The following RTN3 variants were observed in gnomAD, a reference collection of about 807,000 sequenced individuals.
RTN3 encodes the protein reticulon-3.
Under a neutral mutation model 77.8 loss-of-function variants are expected in RTN3, and 49 were observed. The ratio of observed to expected loss-of-function variants is 0.63; its 90% CI spans 0.50 to 0.80. RTN3 has a LOEUF of 0.80. RTN3 is among the 30% of genes least tolerant of loss of function. The pLI is 0.00. For synonymous variants in RTN3, 464 were observed against 446.9 expected, an observed-to-expected ratio of 1.04 and a Z score of -0.48; for missense variants, 1,236 against 1,211.9, an observed-to-expected ratio of 1.02 and a Z score of -0.29.
intron 3 of RTN3, among the ~76,000 whole-genome samples, chr11:63,724,978 TA>T (rs1221234178): frequency 3.3e-4 from 50 of 151,828 alleles, no homozygotes; most frequent in African/African-American, 1.1e-3. Context: ...TTTTTTTTTT[TA>T]AGAAATGGAA....
chr11:63,735,281 A>G (rs552950497), intron 3 of RTN3, among the ~76,000 whole-genome samples: 88 of 152,188 alleles, frequency 5.8e-4, no homozygotes, highest in African/African-American at 2.1e-3. Context: ...GTGAGCCACA[A>G]TGCCCGACCT....
intron 1 of RTN3, among the ~76,000 whole-genome samples, chr11:63,687,175 A>T (rs780629967): frequency 6.6e-5 from 10 of 152,214 alleles, no homozygotes; most frequent in Non-Finnish European, 1.3e-4. Context: ...TAATGTGTTA[A>T]AACACAGACT....
intron 3 of RTN3, among the ~76,000 whole-genome samples, chr11:63,740,945 G>A (rs567258216): frequency 6.6e-6 from 1 of 152,164 alleles, no homozygotes; most frequent in African/African-American, 2.4e-5. Flanking sequence ...CTATGAAGTT[G>A]ATCTTGTATT....
chr11:63,716,363 C>G (rs950411593), intron 2 of RTN3, among the ~76,000 whole-genome samples: 1 of 151,952 alleles, frequency 6.6e-6, no homozygotes, highest in African/African-American at 2.4e-5. Flanking sequence ...AAAGGTAATC[C>G]CAAAAGAACT....
At chr11:63,751,938 G>A (rs568612644) in intron 4 of RTN3, among the ~76,000 whole-genome samples, 82 of 152,250 alleles carry the variant, frequency 5.4e-4, no homozygotes, top group African/African-American at 1.9e-3. Context: ...TTTGCAGTGA[G>A]CTGAGATTGT....
At chr11:63,713,021 G>T (rs1018400417) in intron 2 of RTN3, among the ~76,000 whole-genome samples, 3 of 152,110 alleles carry the variant, frequency 2.0e-5, no homozygotes, top group Non-Finnish European at 2.9e-5. Flanking sequence ...CTTGAACCCA[G>T]GAGGCAGAGG....
intron 1 of RTN3, among the ~76,000 whole-genome samples, chr11:63,688,063 C>A (rs1941462302): frequency 6.6e-6 from 1 of 152,134 alleles, no homozygotes; most frequent in African/African-American, 2.4e-5. Flanking sequence ...AATACTTATG[C>A]AGATTCTGAC....
At position 63,729,436 on chromosome 11, in the gene RTN3, C is replaced by CTTTTTTTTT. The variant is rs1177025902; in HGVS notation, c.2530+8419_2530+8427dup. On this transcript the variant is annotated intron_variant, in intron 3 of 8. Coordinates refer to ENST00000377819, the MANE Select transcript of RTN3 (RefSeq NM_001265589.2). ...GACTGTACTATAGCAAAGGTTTCTG[C>CTTTTTTTTT]TTTTTTTTTTTTTTTTTTTTTTTGT... Among the ~76,000 whole-genome samples the CTTTTTTTTT allele has an allele frequency of 2.8e-4, 9 of 32,068 alleles. 1 individual carries two copies. Among genetic ancestry groups the CTTTTTTTTT allele is most frequent in the African/African-American group, 4.5e-4 (3 of 6,596 alleles). The allele number at this position is 32,068 out of a possible 152,430, so 21.0% of individuals were successfully genotyped here.
intron 4 of RTN3, among the ~76,000 whole-genome samples, chr11:63,750,719 T>G (rs1244661223): frequency 6.6e-6 from 1 of 151,346 alleles, no homozygotes; most frequent in Non-Finnish European, 1.5e-5. Flanking sequence ...CCCAAAGTGC[T>G]GTTTTTTTTG....
At chr11:63,704,757 T>C (rs1942415865) in intron 1 of RTN3, 94 bp from the exon 2 acceptor site, 2 of 875,362 alleles carry the variant, frequency 2.3e-6, no homozygotes, top group African/African-American at 1.7e-5. Flanking sequence ...AATGAAATTA[T>C]GATGCTTGGC....
chr11:63,719,388 C>T lies in RTN3; in HGVS notation c.886C>T (p.Pro296Ser). Residue 296 changes from proline (P) to serine (S), a missense_variant, in exon 3 of 9, where the codon CCA (proline) becomes TCA (serine). Pro to Ser is a moderately conservative substitution (Grantham distance 74). This residue lies in a region of RTN3 where 1,056 missense variants were observed against 990.4 expected (regional missense o/e 1.07). Coordinates refer to ENST00000377819, the MANE Select transcript of RTN3 (RefSeq NM_001265589.2). ...DISETNDKLFPLRNKEAGRYP... is the reference protein window; with the variant it reads ...DISETNDKLFSLRNKEAGRYP... ...TTCAGAGACTAATGACAAGCTTTTT[C>T]CACTGAGAAATAAAGAGGCAGGACG... is the stretch of plus-strand genomic sequence containing the variant. The T allele has an allele frequency of 6.2e-7, 1 of 1,614,136 alleles. No homozygotes were observed. Among genetic ancestry groups the T allele is most frequent in the Non-Finnish European group, 8.5e-7 (1 of 1,180,020 alleles).
intron 1 of RTN3, 82 bp downstream of exon 1, chr11:63,681,860 G>A: frequency 1.4e-6 from 2 of 1,387,494 alleles, no homozygotes; most frequent in East Asian, 2.8e-5. Flanking sequence ...GGCGAGGCGG[G>A]AGGAGGACGA....
At chr11:63,701,526 G>T (rs1942237158) in intron 1 of RTN3, among the ~76,000 whole-genome samples, 1 of 152,140 alleles carries the variant, frequency 6.6e-6, no homozygotes, top group African/African-American at 2.4e-5. Flanking sequence ...GCTTTATAGG[G>T]AGCAAAGTGC....
chr11:63,727,872 AT>A (rs1224452057), intron 3 of RTN3, among the ~76,000 whole-genome samples: 1 of 152,174 alleles, frequency 6.6e-6, no homozygotes, highest in East Asian at 1.9e-4. Flanking sequence ...AATGGCTGAA[AT>A]TTTCTTAAAT....
intron 3 of RTN3, among the ~76,000 whole-genome samples, chr11:63,746,559 A>C (rs1302394863): frequency 6.6e-6 from 1 of 151,940 alleles, no homozygotes; most frequent in East Asian, 1.9e-4. Flanking sequence ...CTGTTGCCCA[A>C]GCTAGAGTGA....
At chr11:63,733,413 C>T (rs2012836845) in intron 3 of RTN3, among the ~76,000 whole-genome samples, 1 of 151,764 alleles carries the variant, frequency 6.6e-6, no homozygotes, top group Non-Finnish European at 1.5e-5. Flanking sequence ...CGCTTGAACT[C>T]AGGAGGTGGA....
intron 3 of RTN3, among the ~76,000 whole-genome samples, chr11:63,722,039 T>A (rs1462007015): frequency 6.6e-6 from 1 of 152,208 alleles, no homozygotes; most frequent in Non-Finnish European, 1.5e-5. Context: ...ATGATCACTT[T>A]TCTAGCAAGT....
chr11:63,717,102 G>A (rs921794938), intron 2 of RTN3, among the ~76,000 whole-genome samples: 6 of 151,932 alleles, frequency 3.9e-5, no homozygotes, highest in Non-Finnish European at 8.8e-5. Context: ...GGTCAAGGCT[G>A]CAGTGAGCCA....
At chr11:63,729,897 A>G (rs959487400) in intron 3 of RTN3, among the ~76,000 whole-genome samples, 6 of 151,710 alleles carry the variant, frequency 4.0e-5, no homozygotes, top group African/African-American at 9.7e-5. Flanking sequence ...GGCTCAAGCA[A>G]TCCTCCCACT....
Sources: allele counts gnomAD v4.1 joint callset (sites outside exome capture counted in the v4.1 genomes callset), GRCh38; gene constraint gnomAD v4.1.1; regional missense constraint gnomAD v4.1.1; transcripts MANE v1.5; gene names NCBI Gene and HGNC (gene_info 2026-07-23, HGNC 2026-07-21).